RASSF3: variants seen among roughly 807,000 people sequenced by gnomAD.
RASSF3 encodes the protein Ras association domain family member 3.
In RASSF3, 19 loss-of-function variants were observed where a neutral mutation model predicts 19.9. That is an observed-to-expected ratio of 0.96 (90% CI 0.67 to 1.40). The LOEUF (loss-of-function observed/expected upper bound fraction) is 1.40, where lower values mean the gene tolerates loss of function less well. Ranked by LOEUF, RASSF3 falls within the 40% of genes most tolerant of loss-of-function variation. RASSF3 has a pLI of 0.00. For missense variants in RASSF3, 306 were observed against 289.8 expected (o/e 1.06, Z -0.41); for synonymous variants, 110 against 104.2 (o/e 1.06, Z -0.34).
chr12:64,611,375 T>A (rs1870359569), intron 1 of RASSF3: 1 of 152,278 alleles, frequency 6.6e-6, no homozygotes, highest in African/African-American at 2.4e-5. Flanking sequence ...AACAAGCTCC[T>A]ATGCTAAATA....
intron 4 of RASSF3, among the ~76,000 whole-genome samples, chr12:64,693,913 C>G (rs1868319830): frequency 6.6e-6 from 1 of 152,088 alleles, no homozygotes; most frequent in South Asian, 2.1e-4. Context: ...TGGTTGTGAT[C>G]AGGGGCTCTG....
At chr12:64,587,304 G>C (rs1869829695) in intron 2 of RASSF3, among the ~76,000 whole-genome samples, 1 of 152,104 alleles carries the variant, frequency 6.6e-6, no homozygotes, top group South Asian at 2.1e-4. Context: ...CAATCCACCT[G>C]CCTCAGCCTC....
intron 1 of RASSF3, among the ~76,000 whole-genome samples, chr12:64,615,271 C>T (rs1870513787): frequency 6.6e-6 from 1 of 152,188 alleles, no homozygotes; most frequent in African/African-American, 2.4e-5. Flanking sequence ...GTGTGTCTTA[C>T]CTCTTAGCTA....
intron 4 of RASSF3, among the ~76,000 whole-genome samples, chr12:64,692,429 G>A (rs1333726669): frequency 6.6e-6 from 1 of 152,176 alleles, no homozygotes; most frequent in Non-Finnish European, 1.5e-5. Flanking sequence ...TTTACAAGGT[G>A]GGCTTTGAGT....
Position 64,694,978 on chromosome 12 carries a change from C to G in RASSF3, c.*66C>G. 1.3e-6 allele frequency: 2 copies of G among 1,540,434 alleles called. No individual in the cohort carries two copies. Among genetic ancestry groups the G allele is most frequent in the Non-Finnish European group, 1.8e-6 (2 of 1,126,514 alleles). On this transcript the variant is annotated 3_prime_UTR_variant, in exon 5 of 5. Coordinates refer to ENST00000542104, the MANE Select transcript of RASSF3 (RefSeq NM_178169.4). ...GTACAAAACAGCAGCAAGTGCCTCT[C>G]TTCTCAGAGGGCTGCTGTCTTGCCC...
intron 1 of RASSF3, among the ~76,000 whole-genome samples, chr12:64,664,377 A>G (rs1872477749): frequency 6.6e-6 from 1 of 152,214 alleles, no homozygotes; most frequent in African/African-American, 2.4e-5. Context: ...GGTTAGTGAC[A>G]AAATTTGAGT....
intron 3 of RASSF3, among the ~76,000 whole-genome samples, chr12:64,688,985 G>A (rs12832292): frequency 0.12 from 17,640 of 152,156 alleles, 1,308 homozygotes; most frequent in South Asian, 0.22. Context: ...TTGGTGTTAC[G>A]CCGGGACATT....
At chr12:64,589,617 T>C (rs983374045) in intron 2 of RASSF3, among the ~76,000 whole-genome samples, 1 of 152,008 alleles carries the variant, frequency 6.6e-6, no homozygotes, top group South Asian at 2.1e-4. Flanking sequence ...TTTTTTTTTT[T>C]CCATAAAGAA....
At chr12:64,573,121 G>A (rs549479870) in intron 2 of RASSF3, among the ~76,000 whole-genome samples, 2 of 152,140 alleles carry the variant, frequency 1.3e-5, no homozygotes, top group Non-Finnish European at 2.9e-5. Flanking sequence ...GGAAGGATGA[G>A]GTGGGAGGAT....
intron 1 of RASSF3, among the ~76,000 whole-genome samples, chr12:64,516,506 C>A (rs965248161): frequency 4.0e-5 from 6 of 149,682 alleles, no homozygotes; most frequent in African/African-American, 1.5e-4. Flanking sequence ...GTAGTCCCAG[C>A]TACTTGGGAG....
intron 2 of RASSF3, among the ~76,000 whole-genome samples, chr12:64,594,482 A>G (rs1869969202): frequency 6.6e-6 from 1 of 152,224 alleles, no homozygotes; most frequent in South Asian, 2.1e-4. Flanking sequence ...TTATTACTAT[A>G]AATTTATTTT....
chr12:64,559,471 G>A (rs989835153), intron 2 of RASSF3, among the ~76,000 whole-genome samples: 25 of 151,566 alleles, frequency 1.6e-4, no homozygotes, highest in African/African-American at 4.8e-5. Context: ...GGGTTTCACC[G>A]TGTTAGCCAG....
intron 1 of RASSF3, among the ~76,000 whole-genome samples, chr12:64,611,270 C>G (rs1428260571): frequency 6.6e-6 from 1 of 152,216 alleles, no homozygotes; most frequent in Admixed American, 6.5e-5. Flanking sequence ...CACCGTGGGC[C>G]TCGCCACCAT....
intron 2 of RASSF3, among the ~76,000 whole-genome samples, chr12:64,570,779 C>T (rs1428353819): frequency 1.3e-5 from 2 of 152,252 alleles, no homozygotes; most frequent in East Asian, 3.9e-4. Flanking sequence ...TTCTCACGAG[C>T]TTTTTGGGTA....
intron 1 of RASSF3, among the ~76,000 whole-genome samples, chr12:64,660,053 T>TAC (rs199990995): frequency 4.0e-5 from 2 of 50,388 alleles, no homozygotes; most frequent in African/African-American, 3.2e-4. Flanking sequence ...TGTGTGTATG[T>TAC]ATATATATAT....
chr12:64,658,451 T>C (rs1229952217), intron 1 of RASSF3, among the ~76,000 whole-genome samples: 1 of 152,228 alleles, frequency 6.6e-6, no homozygotes, highest in Non-Finnish European at 1.5e-5. Flanking sequence ...ACAATGTTTT[T>C]GCGCTTTGTA....
chr12:64,542,919 G>A (rs543397077), downstream of RASSF3, among the ~76,000 whole-genome samples: 1 of 152,290 alleles, frequency 6.6e-6, no homozygotes, highest in South Asian at 2.1e-4. Flanking sequence ...CAGTCTGCAG[G>A]GAGGTGTGGA....
At chr12:64,603,625 C>G (rs1201001909) in intron 2 of RASSF3, among the ~76,000 whole-genome samples, 1 of 152,168 alleles carries the variant, frequency 6.6e-6, no homozygotes, top group Non-Finnish European at 1.5e-5. Flanking sequence ...AAATACTATC[C>G]TTATACGTAA....
intron 1 of RASSF3, among the ~76,000 whole-genome samples, chr12:64,618,031 G>T (rs1435933503): frequency 1.3e-5 from 2 of 152,140 alleles, no homozygotes; most frequent in African/African-American, 2.4e-5. Flanking sequence ...AACCAAACTG[G>T]TTAATTCACC....
Sources: allele counts gnomAD v4.1 joint callset (sites outside exome capture counted in the v4.1 genomes callset), GRCh38; gene constraint gnomAD v4.1.1; transcripts MANE v1.5; gene names NCBI Gene and HGNC (gene_info 2026-07-23, HGNC 2026-07-21).